The following NHLRC4 variants were observed in gnomAD, a reference collection of about 807,000 sequenced individuals.
NHLRC4 encodes the protein NHL repeat containing 4, also known as NHL-repeat-containing protein 4.
For missense variants in NHLRC4, 158 were observed against 155.4 expected, an observed-to-expected ratio of 1.02 and a Z score of -0.09; for synonymous variants, 73 against 69.0, an observed-to-expected ratio of 1.06 and a Z score of -0.29.
In NHLRC4 at chr16:568,493, C is replaced by T. The variant is rs934748462; in HGVS notation, c.*74C>T. 4.1e-6 allele frequency: 6 copies of T among 1,466,006 alleles called. No individual in the cohort carries two copies. The African/African-American group carries it at 8.5e-5, about 21-fold the overall frequency. The allele number at this position is 1,466,006 out of a possible 1,614,324, so 90.8% of individuals were successfully genotyped here. On this transcript the variant is annotated 3_prime_UTR_variant, in exon 2 of 2. Transcript: ENST00000424439. ...GGCCCTTGGATCACCGCGGGAGGAA[C>T]CCTCAGGATGGGTGGAGCCTCCAGG...
chr16:568,585 C>T lies in NHLRC4; in HGVS notation c.*166C>T, dbSNP rs1051878801. The T allele has an allele frequency of 1.2e-5, 9 of 771,830 alleles. No homozygotes were observed. In the African/African-American group the frequency reaches 1.6e-4, roughly 14 times the overall value. The allele number at this position is 771,830 out of a possible 1,614,324, so 47.8% of individuals were successfully genotyped here. ...GGCCCTGGGCTTGGCTCGAGTTCTC[C>T]TGCTGGTGAGGCTCCGGATCTCAGG... is the stretch of plus-strand genomic sequence containing the variant. On this transcript the variant is annotated 3_prime_UTR_variant, in exon 2 of 2. Transcript: ENST00000424439.
chr16:568,245 C>T lies in NHLRC4; in HGVS notation c.198C>T (p.Asp66=), dbSNP rs374376516. ...SNSEGNVIVA[D]EQRRQVTLFP... is the part of the protein sequence containing the mutation. Reference sequence around the variant, plus strand: ...CAGAGGGCAATGTTATTGTGGCAGACGAGCAGAGGCGCCAGGTGACCCTGT... The same window carrying T: ...CAGAGGGCAATGTTATTGTGGCAGATGAGCAGAGGCGCCAGGTGACCCTGT... Residue 66 remains aspartate (D), a synonymous_variant, in exon 2 of 2, where the codon GAC becomes GAT. Transcript: ENST00000424439. 97 of 1,612,152 alleles carry T rather than the reference C, an allele frequency of 6.0e-5. No homozygotes were observed. Among genetic ancestry groups the T allele is most frequent in the African/African-American group, 4.4e-4 (33 of 74,934 alleles).
chr16:568,114 G>C lies in NHLRC4; in HGVS notation c.67G>C (p.Glu23Gln). The C allele has an allele frequency of 6.3e-7, 1 of 1,591,000 alleles. No individual in the cohort carries two copies. The highest frequency in any genetic ancestry group is 8.6e-7 in the Non-Finnish European group (1 of 1,168,348). The change falls in exon 2 of 2, where the codon GAG becomes CAG. Residue 23 changes from glutamate to glutamine, a missense_variant. Coordinates refer to ENST00000424439, the MANE Select transcript of NHLRC4 (RefSeq NM_001301159.2). Reference protein sequence around the residue: ...GPDGGLAVSEEFGDVRLFGSA... With the variant: ...GPDGGLAVSEQFGDVRLFGSA... The stretch of plus-strand genomic sequence containing the variant: ...TGATGGGGGCCTTGCTGTGAGTGAG[G>C]AGTTTGGGGATGTGAGGCTGTTTGG...
At position 568,020 on chromosome 16, in the gene NHLRC4, T is replaced by A; in HGVS notation, c.-28T>A. The A allele has an allele frequency of 2.0e-6, 3 of 1,504,328 alleles. No homozygotes were observed. The highest frequency in any genetic ancestry group is 2.6e-6 in the Non-Finnish European group (3 of 1,133,434). The allele number at this position is 1,504,328 out of a possible 1,614,324, so 93.2% of individuals were successfully genotyped here. A position where few individuals can be genotyped will look rare whatever the true frequency, so the allele number is the denominator to read the frequency against. On this transcript the variant is annotated 5_prime_UTR_variant, in exon 2 of 2. Transcript: ENST00000424439. Reference sequence around the variant, plus strand: ...CTGTGCACAGCTTCTCGTTGGGTCCTGCTTGGGAGCCCCTGGCCCCAGCCT... The same window carrying A: ...CTGTGCACAGCTTCTCGTTGGGTCCAGCTTGGGAGCCCCTGGCCCCAGCCT...
chr16:569,430 G>A lies in NHLRC4; in HGVS notation c.*1011G>A, dbSNP rs1181892815. 1.2e-5 allele frequency: 2 copies of A among 166,746 alleles called. No individual in the cohort carries two copies. Among genetic ancestry groups the A allele is most frequent in the African/African-American group, 2.4e-5 (1 of 41,440 alleles). The allele number at this position is 166,746 out of a possible 1,614,324, so 10.3% of individuals were successfully genotyped here. A position where few individuals can be genotyped will look rare whatever the true frequency, so the allele number is the denominator to read the frequency against. On this transcript the variant is annotated 3_prime_UTR_variant, in exon 2 of 2. Transcript: ENST00000424439. ...CCCTGAGAGGTCCCTCATATGTCTG[G>A]GTCCTGTGGGTGGGGGACTAACTGC...
rs1019053150 is a variant in NHLRC4 at position 568,873 on chromosome 16, G to A, written c.*454G>A. The A allele has an allele frequency of 1.8e-5, 3 of 168,378 alleles. No individual in the cohort carries two copies. Among genetic ancestry groups the A allele is most frequent in the Non-Finnish European group, 3.9e-5 (3 of 76,936 alleles). The allele number at this position is 168,378 out of a possible 1,614,324, so 10.4% of individuals were successfully genotyped here. The stretch of plus-strand genomic sequence containing the variant: ...TCGGGGGCAGACAGGCAGGGAGGGT[G>A]TGGCTGGGCTGGGCTGGGCGGGGCG... On this transcript the variant is annotated 3_prime_UTR_variant, in exon 2 of 2. Coordinates refer to ENST00000424439, the MANE Select transcript of NHLRC4 (RefSeq NM_001301159.2).
chr16:567,612 G>A lies in NHLRC4; in HGVS notation c.-436G>A, dbSNP rs1039692054. The A allele has an allele frequency of 9.3e-4, 160 of 171,638 alleles. No individual in the cohort carries two copies. Among genetic ancestry groups the A allele is most frequent in the Non-Finnish European group, 1.4e-4 (11 of 78,408 alleles). 10.6% of individuals were successfully genotyped at this position (171,638 alleles called of 1,614,324 possible). On this transcript the variant is annotated 5_prime_UTR_variant, in exon 2 of 2. Coordinates refer to ENST00000424439, the MANE Select transcript of NHLRC4 (RefSeq NM_001301159.2). ...CACCTGGAGACTCCACGGGCTCCCG[G>A]CAGCTCCGGCTGCTTGGGTGGATCC...
chr16:569,206 A>G lies in NHLRC4; in HGVS notation c.*787A>G, dbSNP rs1040852154. ...AGACTCCTGCTGCTTTGGAAAACTG[A>G]GAAAAAATAGGGGTCTAACCCTCTC... On this transcript the variant is annotated 3_prime_UTR_variant, in exon 2 of 2. Coordinates refer to ENST00000424439, the MANE Select transcript of NHLRC4 (RefSeq NM_001301159.2). 3 of 166,908 alleles carry G rather than the reference A, an allele frequency of 1.8e-5. No homozygotes were observed. The highest frequency in any genetic ancestry group is 7.2e-5 in the African/African-American group (3 of 41,416). 10.3% of individuals were successfully genotyped at this position (166,908 alleles called of 1,614,324 possible).
Position 568,350 on chromosome 16 carries a change from C to T in NHLRC4, c.303C>T (p.Gly101=), listed in dbSNP as rs750785965. ...QPLGVACAPQ[G]QLLVADAKDN... The stretch of plus-strand genomic sequence containing the variant: ...TGGGAGTGGCCTGTGCACCCCAGGG[C>T]CAGCTCCTGGTGGCTGATGCCAAGG... Residue 101 remains glycine (G), a synonymous_variant, in exon 2 of 2, where the codon GGC becomes GGT. Transcript: ENST00000424439. The T allele has an allele frequency of 6.2e-7, 1 of 1,611,360 alleles. No homozygotes were observed. Among genetic ancestry groups the T allele is most frequent in the Admixed American group, 1.7e-5 (1 of 59,832 alleles).
At chr16:567,151 G>A (rs894733076) in intron 1 of NHLRC4, 76 bp downstream of exon 1, 2 of 153,832 alleles carry the variant, frequency 1.3e-5, no homozygotes, top group African/African-American at 4.8e-5. Flanking sequence ...CGCCCCTAAG[G>A]GGTCAGAAGT....
In NHLRC4 at chr16:568,143, T is replaced by C. The variant is rs750603276; in HGVS notation, c.96T>C (p.Ser32=). Residue 32 remains serine, a synonymous_variant, in exon 2 of 2, where the codon AGT becomes AGC. Coordinates refer to ENST00000424439, the MANE Select transcript of NHLRC4 (RefSeq NM_001301159.2). The part of the protein sequence containing the change: ...EEFGDVRLFG[S]ARQPLGSLGG... ...TTGGGGATGTGAGGCTGTTTGGCAG[T>C]GCCCGCCAACCCCTGGGCTCCCTGG... 2 of 1,607,330 alleles carry C rather than the reference T, an allele frequency of 1.2e-6. No individual in the cohort carries two copies. The highest frequency in any genetic ancestry group is 2.2e-5 in the East Asian group (1 of 44,826).
Position 568,158 on chromosome 16 carries a change from G to A in NHLRC4, c.111G>A (p.Leu37=). 1.2e-6 allele frequency: 2 copies of A among 1,610,460 alleles called. No individual in the cohort carries two copies. Among genetic ancestry groups the A allele is most frequent in the Non-Finnish European group, 8.5e-7 (1 of 1,178,856 alleles). The change falls in exon 2 of 2, where the codon CTG becomes CTA. Residue 37 remains leucine (L), a synonymous_variant. Transcript: ENST00000424439. Reference sequence around the variant, plus strand: ...TGTTTGGCAGTGCCCGCCAACCCCTGGGCTCCCTGGGGGGCTGGACGGGGC... The same window carrying A: ...TGTTTGGCAGTGCCCGCCAACCCCTAGGCTCCCTGGGGGGCTGGACGGGGC... The part of the protein sequence containing the change: ...VRLFGSARQP[L]GSLGGWTGHT...
In NHLRC4 at chr16:567,988, C is replaced by T; in HGVS notation, c.-60C>T. On this transcript the variant is annotated 5_prime_UTR_variant, in exon 2 of 2. Transcript: ENST00000424439. ...CCGCCTCCTGGTGACGGACTACTTG[C>T]CTGGGGCTGTGCACAGCTTCTCGTT... 6.8e-7 allele frequency: 1 copy of T among 1,476,884 alleles called. No individual in the cohort carries two copies. Among genetic ancestry groups the T allele is most frequent in the Non-Finnish European group, 8.9e-7 (1 of 1,119,344 alleles). The allele number at this position is 1,476,884 out of a possible 1,614,324, so 91.5% of individuals were successfully genotyped here. A position where few individuals can be genotyped will look rare whatever the true frequency, so the allele number is the denominator to read the frequency against.
In NHLRC4 at chr16:567,682, TC is replaced by T; in HGVS notation, c.-361del. 1 of 212,066 alleles carries T rather than the reference TC, an allele frequency of 4.7e-6. No individual in the cohort carries two copies. 13.1% of individuals were successfully genotyped at this position (212,066 alleles called of 1,614,324 possible). A position where few individuals can be genotyped will look rare whatever the true frequency, so the allele number is the denominator to read the frequency against. On this transcript the variant is annotated 5_prime_UTR_variant, in exon 2 of 2. Transcript: ENST00000424439. Reference sequence around the variant, plus strand: ...GGGAGGGCCCCGGGGCCTGCACTGCTCCCCCGATGGCCTGCTCTTCCTCACG... The same window carrying T: ...GGGAGGGCCCCGGGGCCTGCACTGCTCCCCGATGGCCTGCTCTTCCTCACG...
In NHLRC4 at chr16:567,538, C is replaced by T. The variant is rs1381831300; in HGVS notation, c.-510C>T. On this transcript the variant is annotated 5_prime_UTR_variant, in exon 2 of 2. Transcript: ENST00000424439. ...CTGCAGAGAAGCTGAGACGGTGATT[C>T]GGACTGACTGGACTCTGGCCTCCAG... 2.5e-5 allele frequency: 4 copies of T among 157,302 alleles called. No individual in the cohort carries two copies. Among genetic ancestry groups the T allele is most frequent in the South Asian group, 2.0e-4 (1 of 5,054 alleles). The allele number at this position is 157,302 out of a possible 1,614,324, so 9.7% of individuals were successfully genotyped here.
rs781733524 is a variant in NHLRC4, at chr16:568,349, G to A, written c.302G>A (p.Gly101Asp). 6 of 1,611,406 alleles carry A rather than the reference G, an allele frequency of 3.7e-6. No individual in the cohort carries two copies. Among genetic ancestry groups the A allele is most frequent in the Non-Finnish European group, 5.1e-6 (6 of 1,179,386 alleles). Residue 101 changes from glycine to aspartate, a missense_variant, in exon 2 of 2, where the codon GGC becomes GAC. Physicochemically the swap from Gly to Asp is moderately conservative, Grantham distance 94. Coordinates refer to ENST00000424439, the MANE Select transcript of NHLRC4 (RefSeq NM_001301159.2). ...QPLGVACAPQ[G>D]QLLVADAKDN... ...TTGGGAGTGGCCTGTGCACCCCAGG[G>A]CCAGCTCCTGGTGGCTGATGCCAAG...
Position 568,226 on chromosome 16 carries a change from G to A in NHLRC4, c.179G>A (p.Gly60Asp), listed in dbSNP as rs1433880011. Residue 60 changes from glycine (G) to aspartate (D), a missense_variant, in exon 2 of 2, where the codon GGC becomes GAC. Transcript: ENST00000424439. ...GCGGGCATCTGCTCCAACTCAGAGG[G>A]CAATGTTATTGTGGCAGACGAGCAG... is the stretch of plus-strand genomic sequence containing the variant. ...CPAGICSNSEGNVIVADEQRR... is the reference protein window; with the variant it reads ...CPAGICSNSEDNVIVADEQRR... 1 of 1,612,294 alleles carries A rather than the reference G, an allele frequency of 6.2e-7. No individual in the cohort carries two copies. The highest frequency in any genetic ancestry group is 8.5e-7 in the Non-Finnish European group (1 of 1,179,668).
Position 568,279 on chromosome 16 carries a change from G to T in NHLRC4, c.232G>T (p.Ala78Ser). ...GCGCCAGGTGACCCTGTTTCCCCGG[G>T]CTGGGCCACCCATCTGCCTGGTGTC... ...QRRQVTLFPR[A>S]GPPICLVSEG... The change falls in exon 2 of 2, where the codon GCT becomes TCT. Residue 78 changes from alanine to serine, a missense_variant. Physicochemically the swap from Ala to Ser is moderately conservative, Grantham distance 99 (BLOSUM62 1). Coordinates refer to ENST00000424439, the MANE Select transcript of NHLRC4 (RefSeq NM_001301159.2). The T allele has an allele frequency of 6.2e-7, 1 of 1,612,166 alleles. No individual in the cohort carries two copies. Among genetic ancestry groups the T allele is most frequent in the Non-Finnish European group, 8.5e-7 (1 of 1,179,640 alleles).
chr16:568,027 G>C lies in NHLRC4; in HGVS notation c.-21G>C, dbSNP rs1436704999. On this transcript the variant is annotated 5_prime_UTR_variant, in exon 2 of 2. Coordinates refer to ENST00000424439, the MANE Select transcript of NHLRC4 (RefSeq NM_001301159.2). ...CAGCTTCTCGTTGGGTCCTGCTTGG[G>C]AGCCCCTGGCCCCAGCCTCCATGCT... is the stretch of plus-strand genomic sequence containing the variant. 2.0e-6 allele frequency: 3 copies of C among 1,506,608 alleles called. No individual in the cohort carries two copies. The highest frequency in any genetic ancestry group is 2.6e-6 in the Non-Finnish European group (3 of 1,134,044). 93.3% of individuals were successfully genotyped at this position (1,506,608 alleles called of 1,614,324 possible). A position where few individuals can be genotyped will look rare whatever the true frequency, so the allele number is the denominator to read the frequency against.
Sources: allele counts gnomAD v4.1 joint callset, GRCh38; gene constraint gnomAD v4.1.1; transcripts MANE v1.5; gene names NCBI Gene and HGNC (gene_info 2026-07-23, HGNC 2026-07-21).